Variants in NKAIN3 observed in about 807,000 individuals in gnomAD.
NKAIN3 encodes sodium/potassium transporting ATPase interacting 3.
A neutral mutation model predicts 30.2 loss-of-function variants in NKAIN3; 25 were observed. That is an observed-to-expected ratio of 0.83 (90% CI 0.60 to 1.16). NKAIN3 has a LOEUF of 1.16. Ranked by LOEUF, NKAIN3 falls within the 50% of genes most tolerant of loss-of-function variation. The pLI is 0.00. For synonymous variants in NKAIN3, 91 were observed against 89.6 expected (o/e 1.02, Z -0.09); for missense variants, 225 against 254.1 (o/e 0.89, Z 0.78).
intron 4 of NKAIN3, among the ~76,000 whole-genome samples, chr8:62,903,877 C>T (rs533772539): frequency 7.9e-5 from 12 of 152,012 alleles, no homozygotes; most frequent in East Asian, 1.9e-4. Flanking sequence ...CAAGATCTCA[C>T]GGGAACTCAC....
At chr8:62,940,006 T>C (rs902483030) in intron 5 of NKAIN3, among the ~76,000 whole-genome samples, 2 of 152,102 alleles carry the variant, frequency 1.3e-5, no homozygotes, top group African/African-American at 4.8e-5. Flanking sequence ...TCTTCTGTCT[T>C]CAAGAAATTC....
intron 1 of NKAIN3, among the ~76,000 whole-genome samples, chr8:62,522,552 G>T (rs1316637321): frequency 6.6e-6 from 1 of 152,050 alleles, no homozygotes; most frequent in Non-Finnish European, 1.5e-5. Context: ...GGAGATGACA[G>T]CTCCATGCGT....
chr8:62,493,383 G>A (rs746343066), intron 1 of NKAIN3, among the ~76,000 whole-genome samples: 10 of 151,940 alleles, frequency 6.6e-5, no homozygotes, highest in Non-Finnish European at 1.3e-4. Flanking sequence ...ACTTGTCTAT[G>A]TGTCTGTTTT....
At chr8:62,952,900 G>C (rs985220615) in intron 5 of NKAIN3, among the ~76,000 whole-genome samples, 14 of 152,216 alleles carry the variant, frequency 9.2e-5, no homozygotes, top group Admixed American at 9.2e-4. Flanking sequence ...TTGGAAAACT[G>C]TATTTTCTGC....
At position 62,880,292 on chromosome 8, in the gene NKAIN3, T is replaced by C. The variant is rs559858150; in HGVS notation, c.472-38161T>C. On this transcript the variant is annotated intron_variant, in intron 4 of 6. Coordinates refer to ENST00000623646, the MANE Select transcript of NKAIN3 (RefSeq NM_001304533.3). ...ACGTTTTACCACCATGCCAAACCCA[T>C]CTCTCAGTGAAGCCAGGGGACTGAA... Among the ~76,000 whole-genome samples the C allele has an allele frequency of 2.6e-5, 4 of 152,200 alleles. No individual in the cohort carries two copies. In the East Asian group the frequency reaches 7.7e-4, roughly 29 times the overall value.
At chr8:62,514,471 A>G (rs549367366) in intron 1 of NKAIN3, among the ~76,000 whole-genome samples, 3 of 152,326 alleles carry the variant, frequency 2.0e-5, no homozygotes, top group South Asian at 2.1e-4. Context: ...CAGTAATTGT[A>G]AAATATTGTT....
chr8:62,763,742 C>T (rs990658369), intron 4 of NKAIN3, among the ~76,000 whole-genome samples: 3 of 151,994 alleles, frequency 2.0e-5, no homozygotes, highest in Non-Finnish European at 2.9e-5. Context: ...TAAGAGTTAA[C>T]GAAAGAGGAA....
chr8:62,367,014 G>T (rs553582646), intron 1 of NKAIN3, among the ~76,000 whole-genome samples: 1 of 151,936 alleles, frequency 6.6e-6, no homozygotes, highest in Non-Finnish European at 1.5e-5. Flanking sequence ...ATTTCCTCCT[G>T]TTATTGATTC....
chr8:62,275,842 A>G (rs1454996202), intron 1 of NKAIN3, among the ~76,000 whole-genome samples: 1 of 152,140 alleles, frequency 6.6e-6, no homozygotes, highest in Non-Finnish European at 1.5e-5. Flanking sequence ...ACTCTTCTAA[A>G]TTTGATGCTT....
At chr8:62,949,069 CCCCATAGCCCCTGGAGGGCTACAT>C (rs1176213638) in intron 5 of NKAIN3, among the ~76,000 whole-genome samples, 1 of 152,164 alleles carries the variant, frequency 6.6e-6, no homozygotes, top group Non-Finnish European at 1.5e-5. Flanking sequence ...GGGTGACTCT[CCCCATAGCCCCTGGAGGGCTACAT>C]CTTCAACTTC....
intron 1 of NKAIN3, among the ~76,000 whole-genome samples, chr8:62,526,574 T>C (rs968287729): frequency 2.0e-5 from 3 of 152,158 alleles, no homozygotes; most frequent in African/African-American, 7.2e-5. Flanking sequence ...CACATCAGTT[T>C]CCAATATTAT....
intron 4 of NKAIN3, among the ~76,000 whole-genome samples, chr8:62,804,472 C>G (rs1418019287): frequency 3.3e-5 from 5 of 152,190 alleles, no homozygotes; most frequent in Non-Finnish European, 7.4e-5. Flanking sequence ...GGACTTCATC[C>G]CTAGGATGCA....
chr8:62,461,517 C>A (rs1806001758), intron 1 of NKAIN3, among the ~76,000 whole-genome samples: 2 of 152,150 alleles, frequency 1.3e-5, no homozygotes, highest in African/African-American at 4.8e-5. Context: ...ACTTACTAGA[C>A]AATGACTTTA....
At chr8:62,804,661 A>G (rs536716830) in intron 4 of NKAIN3, among the ~76,000 whole-genome samples, 1 of 152,208 alleles carries the variant, frequency 6.6e-6, no homozygotes, top group East Asian at 1.9e-4. Flanking sequence ...CAAAATAATA[A>G]GAGCTATCTA....
rs368679313 is a variant in NKAIN3, at chr8:62,780,765, AAGTT to A, written c.471+33639_471+33642del. 4.9e-4 allele frequency among the ~76,000 whole-genome samples: 75 copies of A among 152,166 alleles called. No homozygotes were observed. The East Asian group carries it at 0.012, about 25-fold the overall frequency. On this transcript the variant is annotated intron_variant, in intron 4 of 6. Transcript: ENST00000623646. ...TTCATGAATAAAAACTCTCAACTAA[AAGTT>A]AGGCATAGAAGAAACATATCTCAAA... is the stretch of plus-strand genomic sequence containing the variant.
intron 3 of NKAIN3, among the ~76,000 whole-genome samples, chr8:62,726,524 A>T (rs566946510): frequency 6.6e-6 from 1 of 151,984 alleles, no homozygotes; most frequent in African/African-American, 2.4e-5. Context: ...AATTTTATCA[A>T]ATGATTTCTC....
intron 1 of NKAIN3, among the ~76,000 whole-genome samples, chr8:62,348,471 C>G (rs7818485): frequency 0.04 from 6,061 of 152,226 alleles, 435 homozygotes; most frequent in African/African-American, 0.14. Flanking sequence ...CATGGAATAG[C>G]AAAATACATG....
chr8:62,253,587 T>C (rs370323749), intron 1 of NKAIN3, among the ~76,000 whole-genome samples: 1 of 152,088 alleles, frequency 6.6e-6, no homozygotes, highest in Admixed American at 6.5e-5. Flanking sequence ...AAGAAATACA[T>C]AAGTAAATAA....
At chr8:62,937,833 C>T (rs565735686) in intron 5 of NKAIN3, among the ~76,000 whole-genome samples, 4 of 151,970 alleles carry the variant, frequency 2.6e-5, no homozygotes, top group Non-Finnish European at 2.9e-5. Context: ...TTACTGGTTG[C>T]GTGGAAATAA....
Sources: allele counts gnomAD v4.1 joint callset (sites outside exome capture counted in the v4.1 genomes callset), GRCh38; gene constraint gnomAD v4.1.1; transcripts MANE v1.5; gene names NCBI Gene and HGNC (gene_info 2026-07-23, HGNC 2026-07-21).